CADM1: variants seen among roughly 807,000 people sequenced by gnomAD.
The protein encoded by CADM1 is cell adhesion molecule 1.
Under a neutral mutation model 53.1 loss-of-function variants are expected in CADM1, and 15 were observed. The observed-to-expected ratio is 0.28, with a 90% CI of 0.19 to 0.44. The LOEUF is 0.44. Ranked by LOEUF, CADM1 falls within the 20% of genes least tolerant of loss-of-function variation. The pLI is 1.00. For missense variants in CADM1, 434 were observed against 611.3 expected, an observed-to-expected ratio of 0.71 and a Z score of 3.06; for synonymous variants, 281 against 243.0, an observed-to-expected ratio of 1.16 and a Z score of -1.45.
At chr11:115,183,113 A>T (rs1169576488) in intron 10 of CADM1, among the ~76,000 whole-genome samples, 2 of 152,190 alleles carry the variant, frequency 1.3e-5, no homozygotes, top group Non-Finnish European at 2.9e-5. Flanking sequence ...GGGCAATAAG[A>T]AGGGGAAGTT....
At chr11:115,250,056 C>G (rs1274407327) in intron 1 of CADM1, among the ~76,000 whole-genome samples, 1 of 152,116 alleles carries the variant, frequency 6.6e-6, no homozygotes, top group African/African-American at 2.4e-5. Context: ...AGGCGCCCGC[C>G]ACCACCCTGG....
chr11:115,400,829 A>G (rs911906199), intron 1 of CADM1, among the ~76,000 whole-genome samples: 4 of 151,564 alleles, frequency 2.6e-5, no homozygotes, highest in Non-Finnish European at 5.9e-5. Flanking sequence ...GCCAAAATCC[A>G]GAACACCAAT....
At chr11:115,346,143 G>A (rs1172006473) in intron 1 of CADM1, among the ~76,000 whole-genome samples, 1 of 152,082 alleles carries the variant, frequency 6.6e-6, no homozygotes. Context: ...AGCAAAGTGG[G>A]GTGCAGCCAC....
chr11:115,272,349 G>GAT (rs1249246762), intron 1 of CADM1, among the ~76,000 whole-genome samples: 1 of 151,654 alleles, frequency 6.6e-6, no homozygotes, highest in Non-Finnish European at 1.5e-5. Context: ...AAGATGAACA[G>GAT]ATTTTTTTTT....
At chr11:115,338,877 A>ATTTTTTTTTTTTTTTATTTTTTTTTTT (rs56300408) in intron 1 of CADM1, among the ~76,000 whole-genome samples, 1 of 127,742 alleles carries the variant, frequency 7.8e-6, no homozygotes, top group Non-Finnish European at 1.6e-5. Context: ...TATTTTTTTT[A>ATTTTTTTTTTTTTTTATTTTTTTTTTT]TTTTTTTTTT....
At chr11:115,372,145 G>T (rs1370108087) in intron 1 of CADM1, among the ~76,000 whole-genome samples, 3 of 152,128 alleles carry the variant, frequency 2.0e-5, no homozygotes, top group Non-Finnish European at 2.9e-5. Flanking sequence ...ATTCTTCACA[G>T]AATTCAATGC....
At chr11:115,364,178 T>C (rs947774347) in intron 1 of CADM1, among the ~76,000 whole-genome samples, 4 of 152,210 alleles carry the variant, frequency 2.6e-5, no homozygotes, top group African/African-American at 4.8e-5. Flanking sequence ...ATTTCAGATA[T>C]GTTCATTCTT....
Position 115,175,611 on chromosome 11 carries a change from G to A in CADM1, c.*863C>T. 1.0e-6 allele frequency: 1 copy of A among 985,526 alleles called. No homozygotes were observed. The highest frequency in any genetic ancestry group is 1.2e-6 in the Non-Finnish European group (1 of 829,992). The allele number at this position is 985,526 out of a possible 1,614,324, so 61.0% of individuals were successfully genotyped here. A position where few individuals can be genotyped will look rare whatever the true frequency, so the allele number is the denominator to read the frequency against. The stretch of plus-strand genomic sequence containing the variant: ...AGACCTCACCTGTCAGGTCTGTTTA[G>A]GGCATGGAAAAAGGAGGAGTCCTTT... On this transcript the variant is annotated 3_prime_UTR_variant, in exon 12 of 12. Transcript: ENST00000331581.
At chr11:115,323,768 G>A (rs896623543) in intron 1 of CADM1, among the ~76,000 whole-genome samples, 8 of 152,132 alleles carry the variant, frequency 5.3e-5, no homozygotes, top group East Asian at 3.9e-4. Context: ...TTATAGTATC[G>A]CTTGCCCAAA....
intron 5 of CADM1, among the ~76,000 whole-genome samples, chr11:115,228,252 T>C (rs1459784258): frequency 6.6e-6 from 1 of 152,228 alleles, no homozygotes; most frequent in South Asian, 2.1e-4. Flanking sequence ...TAAAGCGTTG[T>C]AAGGAAAGAA....
rs1302741336 is a variant in CADM1 at position 115,284,091 on chromosome 11, T to TCTCTCTCTCTCTCTCTCTCC, written c.125-43672_125-43671insGGAGAGAGAGAGAGAGAGAG. On this transcript the variant is annotated intron_variant, in intron 1 of 11. Transcript: ENST00000331581. ...TGAAGATCTACAAGCCCAGACACTC[T>TCTCTCTCTCTCTCTCTCTCC]CTCTCTCTCTCTCTCTCTCTCTCTG... 3.4e-4 allele frequency among the ~76,000 whole-genome samples: 42 copies of TCTCTCTCTCTCTCTCTCTCC among 125,008 alleles called. 1 individual carries two copies. The highest frequency in any genetic ancestry group is 1.3e-3 in the African/African-American group (40 of 30,166). 82.0% of individuals were successfully genotyped at this position (125,008 alleles called of 152,430 possible).
intron 10 of CADM1, among the ~76,000 whole-genome samples, chr11:115,189,914 T>G (rs1026239454): frequency 2.0e-5 from 3 of 152,202 alleles, no homozygotes; most frequent in Admixed American, 6.5e-5. Flanking sequence ...TAGTTGGCAA[T>G]AAATCAATTG....
intron 1 of CADM1, among the ~76,000 whole-genome samples, chr11:115,368,207 T>TAC (rs1946221783): frequency 6.9e-6 from 1 of 145,366 alleles, no homozygotes; most frequent in Non-Finnish European, 1.5e-5. Flanking sequence ...AATTCAGGTG[T>TAC]GGCACGGTTA....
intron 1 of CADM1, chr11:115,397,154 G>C (rs1947021782): frequency 6.6e-6 from 1 of 152,138 alleles, no homozygotes. Context: ...GCTTTAAAAT[G>C]AGATTCTAAC....
At chr11:115,453,353 G>A (rs78587992) in intron 1 of CADM1, among the ~76,000 whole-genome samples, 4,635 of 147,694 alleles carry the variant, frequency 0.031, 156 homozygotes, top group African/African-American at 0.085. Flanking sequence ...TGACAAGAGT[G>A]AAACCCTATA....
intron 1 of CADM1, among the ~76,000 whole-genome samples, chr11:115,411,663 T>C (rs1049398236): frequency 1.3e-5 from 2 of 152,140 alleles, no homozygotes. Flanking sequence ...TATTTTATTT[T>C]TTTTTATTAT....
chr11:115,203,148 T>C (rs1940516032), intron 8 of CADM1, among the ~76,000 whole-genome samples: 1 of 149,888 alleles, frequency 6.7e-6, no homozygotes, highest in Admixed American at 6.6e-5. Context: ...GGGGGATGAT[T>C]TTTTTTTTTG....
At chr11:115,278,707 G>A (rs117832459) in intron 1 of CADM1, among the ~76,000 whole-genome samples, 5,212 of 152,174 alleles carry the variant, frequency 0.034, 131 homozygotes, top group Non-Finnish European at 0.052. Flanking sequence ...TGGGAAATGC[G>A]GACCATGAAA....
chr11:115,361,329 T>C (rs1250337415), intron 1 of CADM1, among the ~76,000 whole-genome samples: 1 of 152,196 alleles, frequency 6.6e-6, no homozygotes, highest in African/African-American at 2.4e-5. Context: ...AGGATTATAA[T>C]GAAGTAGTAT....
Sources: allele counts gnomAD v4.1 joint callset (sites outside exome capture counted in the v4.1 genomes callset), GRCh38; gene constraint gnomAD v4.1.1; transcripts MANE v1.5; gene names NCBI Gene and HGNC (gene_info 2026-07-23, HGNC 2026-07-21).